Variants in ROR1 observed in about 807,000 individuals in gnomAD.
ROR1 encodes inactive tyrosine-protein kinase transmembrane receptor ROR1.
Under a neutral mutation model 78.8 loss-of-function variants are expected in ROR1, and 19 were observed. The ratio of observed to expected loss-of-function variants is 0.24; its 90% CI spans 0.17 to 0.35. ROR1 has a LOEUF of 0.35. ROR1 is among the 10% of genes least tolerant of loss of function. ROR1 has a pLI of 1.00. For missense variants in ROR1, 917 were observed against 1,177.8 expected (o/e 0.78, Z 3.24); for synonymous variants, 386 against 433.6 (o/e 0.89, Z 1.36).
intron 1 of ROR1, among the ~76,000 whole-genome samples, chr1:63,854,065 A>G (rs537125456): frequency 6.6e-6 from 1 of 152,316 alleles, no homozygotes; most frequent in African/African-American, 2.4e-5. Flanking sequence ...GTGATAATGA[A>G]TGTTCCTTCT....
chr1:63,947,530 C>T (rs1569957321), intron 1 of ROR1, among the ~76,000 whole-genome samples: 1 of 152,050 alleles, frequency 6.6e-6, no homozygotes, highest in East Asian at 1.9e-4. Flanking sequence ...AGCATTTTTC[C>T]ATGCCCTTTA....
At chr1:63,913,293 ATTTTC>A (rs1321883912) in intron 1 of ROR1, among the ~76,000 whole-genome samples, 1 of 152,026 alleles carries the variant, frequency 6.6e-6, no homozygotes, top group East Asian at 1.9e-4. Context: ...ATATTTCTAT[ATTTTC>A]TTCTGTATTT....
intron 1 of ROR1, among the ~76,000 whole-genome samples, chr1:64,002,131 CTTTTTTTTTTTTT>C (rs34252630): frequency 1.9e-5 from 2 of 105,986 alleles, no homozygotes; most frequent in Non-Finnish European, 4.0e-5. Context: ...CCAGTTCAAC[CTTTTTTTTTTTTT>C]TTTTTTTTGA....
chr1:63,790,893 A>G (rs915138746), intron 1 of ROR1, among the ~76,000 whole-genome samples: 3 of 152,208 alleles, frequency 2.0e-5, no homozygotes, highest in African/African-American at 7.2e-5. Context: ...TCTGGATGCA[A>G]AGATGGCCAG....
chr1:64,049,589 A>C (rs1646811471), intron 2 of ROR1, 102 bp from the exon 3 acceptor site: 1 of 1,010,328 alleles, frequency 9.9e-7, no homozygotes, highest in Non-Finnish European at 1.5e-6. Flanking sequence ...TCTCCTGCTC[A>C]GCCTCTCTGT....
chr1:64,085,277 C>T (rs950181275), intron 4 of ROR1, among the ~76,000 whole-genome samples: 5 of 152,124 alleles, frequency 3.3e-5, no homozygotes, highest in South Asian at 2.1e-4. Context: ...TAAAAGGCAG[C>T]GTTTTCCTAC....
rs1645078538 is a variant in ROR1, at chr1:63,846,101, T to A, written c.91+71593T>A. 2.0e-5 allele frequency among the ~76,000 whole-genome samples: 3 copies of A among 149,968 alleles called. No individual in the cohort carries two copies. The Admixed American group carries it at 2.0e-4, about 10-fold the overall frequency. On this transcript the variant is annotated intron_variant, in intron 1 of 8. Coordinates refer to ENST00000371079, the MANE Select transcript of ROR1 (RefSeq NM_005012.4). ...CATAGTGAATTTTATATTTTTTATTTGACAGAGAGAGAGAGAATGTGTGTG... is the reference window on the plus strand; with the variant it reads ...CATAGTGAATTTTATATTTTTTATTAGACAGAGAGAGAGAGAATGTGTGTG...
At chr1:63,985,037 A>T (rs147760026) in intron 1 of ROR1, among the ~76,000 whole-genome samples, 2 of 152,148 alleles carry the variant, frequency 1.3e-5, no homozygotes, top group African/African-American at 4.8e-5. Context: ...TGGTGCTGTC[A>T]TATATATTAC....
chr1:63,864,413 T>C (rs1218654070), intron 1 of ROR1, among the ~76,000 whole-genome samples: 1 of 152,214 alleles, frequency 6.6e-6, no homozygotes, highest in Non-Finnish European at 1.5e-5. Flanking sequence ...ATTCTTACTA[T>C]GCACAGGTGT....
chr1:64,154,716 CAT>C (rs1339941517), intron 7 of ROR1, among the ~76,000 whole-genome samples: 5 of 152,148 alleles, frequency 3.3e-5, no homozygotes, highest in Non-Finnish European at 7.4e-5. Context: ...GGAAATTAAT[CAT>C]GTGATCTGGA....
chr1:63,849,050 G>A (rs1645098446), intron 1 of ROR1, among the ~76,000 whole-genome samples: 5 of 152,110 alleles, frequency 3.3e-5, no homozygotes, highest in African/African-American at 1.2e-4. Context: ...GACAAGAATG[G>A]GATGAGTGTG....
chr1:64,067,099 C>T (rs1161812910), intron 4 of ROR1, among the ~76,000 whole-genome samples: 1 of 152,046 alleles, frequency 6.6e-6, no homozygotes, highest in East Asian at 1.9e-4. Flanking sequence ...CCTGTTATCC[C>T]AGCACTTTGG....
intron 1 of ROR1, among the ~76,000 whole-genome samples, chr1:63,859,305 C>A (rs1174928291): frequency 6.6e-6 from 1 of 152,176 alleles, no homozygotes; most frequent in African/African-American, 2.4e-5. Context: ...AAGATCCCCT[C>A]TTCTATTTTG....
Position 63,875,215 on chromosome 1 carries a change from G to C in ROR1, c.91+100707G>C, listed in dbSNP as rs1377928889. ...TACTTATTTATACAGTTATTATAAG[G>C]AGTAAATAAATTAGTTTGTGCTGAG... On this transcript the variant is annotated intron_variant, in intron 1 of 8. Coordinates refer to ENST00000371079, the MANE Select transcript of ROR1 (RefSeq NM_005012.4). Among the ~76,000 whole-genome samples the C allele has an allele frequency of 3.9e-5, 6 of 152,152 alleles. No homozygotes were observed. The South Asian group carries it at 8.3e-4, about 21-fold the overall frequency.
At chr1:64,104,646 G>A (rs541790600) in intron 4 of ROR1, among the ~76,000 whole-genome samples, 2 of 151,980 alleles carry the variant, frequency 1.3e-5, no homozygotes, top group African/African-American at 4.8e-5. Flanking sequence ...GGTGTGTGCT[G>A]TTCCCCTCCC....
intron 1 of ROR1, among the ~76,000 whole-genome samples, chr1:63,990,536 G>A (rs1017198582): frequency 6.6e-6 from 1 of 151,978 alleles, no homozygotes; most frequent in Admixed American, 6.6e-5. Context: ...TTTTCTTTAT[G>A]AGCTCGTTGA....
chr1:63,837,808 C>G (rs548530030), intron 1 of ROR1, among the ~76,000 whole-genome samples: 1 of 152,094 alleles, frequency 6.6e-6, no homozygotes. Context: ...GTGACAGAAA[C>G]GAGATTCCGT....
chr1:64,153,547 G>C (rs1422391353), intron 7 of ROR1, among the ~76,000 whole-genome samples: 1 of 152,132 alleles, frequency 6.6e-6, no homozygotes, highest in Non-Finnish European at 1.5e-5. Context: ...CATGGTATAT[G>C]CAAACAATGG....
chr1:63,898,288 G>A (rs1194354683), intron 1 of ROR1, among the ~76,000 whole-genome samples: 1 of 145,428 alleles, frequency 6.9e-6, no homozygotes, highest in Non-Finnish European at 1.5e-5. Flanking sequence ...TAGTACAGCA[G>A]GTAAATAGAT....
Sources: allele counts gnomAD v4.1 joint callset (sites outside exome capture counted in the v4.1 genomes callset), GRCh38; gene constraint gnomAD v4.1.1; transcripts MANE v1.5; gene names NCBI Gene and HGNC (gene_info 2026-07-23, HGNC 2026-07-21).